The following ZNF92 variants were observed in gnomAD, a reference collection of about 807,000 sequenced individuals.
The protein encoded by ZNF92 is zinc finger protein 92.
ZNF92 carries 11 observed loss-of-function variants against 12.4 expected under a neutral mutation model. The ratio of observed to expected loss-of-function variants is 0.89; its 90% CI spans 0.56 to 1.47. The LOEUF (loss-of-function observed/expected upper bound fraction) is 1.47, where lower values mean the gene tolerates loss of function less well. Ranked by LOEUF, ZNF92 falls within the 40% of genes most tolerant of loss-of-function variation. ZNF92 has a pLI of 0.00. For synonymous variants in ZNF92, 206 were observed against 228.6 expected (o/e 0.90, Z 0.89); for missense variants, 622 against 681.0 (o/e 0.91, Z 0.96).
chr7:65,398,979 G>C lies in ZNF92; in HGVS notation c.865G>C (p.Glu289Gln), dbSNP rs774983698. 1 of 1,613,300 alleles carries C rather than the reference G, an allele frequency of 6.2e-7. No homozygotes were observed. Among genetic ancestry groups the C allele is most frequent in the East Asian group, 2.2e-5 (1 of 44,810 alleles). ...HTEEKPYKCE[E>Q]CGKAFNQFSI... The stretch of plus-strand genomic sequence containing the variant: ...AGAAGAGAAACCCTACAAATGTGAA[G>C]AATGTGGCAAGGCCTTTAACCAGTT... Residue 289 changes from glutamate to glutamine, a missense_variant, in exon 4 of 4, where the codon GAA (glutamate) becomes CAA (glutamine). Physicochemically the swap from Glu to Gln is conservative, Grantham distance 29 (BLOSUM62 2). Coordinates refer to ENST00000328747, the MANE Select transcript of ZNF92 (RefSeq NM_152626.4).
At chr7:65,391,833 A>T (rs1793724174) in intron 3 of ZNF92, among the ~76,000 whole-genome samples, 1 of 152,116 alleles carries the variant, frequency 6.6e-6, no homozygotes, top group Admixed American at 6.6e-5. Context: ...TTACTGCCAT[A>T]CAGTGCATGC....
chr7:65,387,006 C>T (rs1311027620), intron 1 of ZNF92, among the ~76,000 whole-genome samples: 2 of 145,240 alleles, frequency 1.4e-5, no homozygotes, highest in Non-Finnish European at 3.0e-5. Flanking sequence ...ATGGCGCAAT[C>T]TCGGCTCACT....
At chr7:65,385,165 G>C (rs1793528994) in intron 1 of ZNF92, among the ~76,000 whole-genome samples, 1 of 152,108 alleles carries the variant, frequency 6.6e-6, no homozygotes, top group African/African-American at 2.4e-5. Flanking sequence ...TAGAGGACTT[G>C]TTTAAAATAC....
chr7:65,388,230 CTAT>C (rs1793625264), intron 2 of ZNF92: 1 of 379,852 alleles, frequency 2.6e-6, no homozygotes, highest in African/African-American at 2.2e-5. Flanking sequence ...CTGAGCTGAT[CTAT>C]ATCCTTCACT....
At chr7:65,381,223 C>T (rs931972330) in intron 1 of ZNF92, among the ~76,000 whole-genome samples, 1 of 151,910 alleles carries the variant, frequency 6.6e-6, no homozygotes, top group Non-Finnish European at 1.5e-5. Flanking sequence ...CCATATTGGC[C>T]AGGCTGGTCT....
At chr7:65,382,280 A>G (rs555107140) in intron 1 of ZNF92, among the ~76,000 whole-genome samples, 2 of 152,108 alleles carry the variant, frequency 1.3e-5, no homozygotes, top group African/African-American at 4.8e-5. Flanking sequence ...GTGTAATAAA[A>G]CAGTTTTCTT....
chr7:65,377,628 G>A (rs1364623842), intron 1 of ZNF92, among the ~76,000 whole-genome samples: 2 of 106,410 alleles, frequency 1.9e-5, no homozygotes, highest in African/African-American at 5.0e-5. Context: ...CTGCAACGGC[G>A]CGATCTAGAC....
intron 3 of ZNF92, among the ~76,000 whole-genome samples, chr7:65,395,108 T>G (rs1375454966): frequency 1.3e-5 from 2 of 152,124 alleles, no homozygotes; most frequent in Non-Finnish European, 2.9e-5. Flanking sequence ...CAGGCTGGAG[T>G]GCAGTGGCAT....
intron 1 of ZNF92, among the ~76,000 whole-genome samples, chr7:65,384,658 T>G (rs1159318627): frequency 1.3e-5 from 2 of 152,010 alleles, no homozygotes; most frequent in African/African-American, 4.8e-5. Flanking sequence ...ATAAACACAA[T>G]AAAAATTCCT....
In ZNF92 at chr7:65,398,494, A is replaced by G. The variant is rs751502096; in HGVS notation, c.380A>G (p.Lys127Arg). The G allele has an allele frequency of 1.2e-6, 2 of 1,613,218 alleles. No individual in the cohort carries two copies. Among genetic ancestry groups the G allele is most frequent in the East Asian group, 2.2e-5 (1 of 44,814 alleles). ...AGTGTGGATGCATGTAAGGTGTACA[A>G]AGGAGGTTATAATGGACTTAACCAG... ...HKSVDACKVY[K>R]GGYNGLNQCL... Residue 127 changes from lysine (K) to arginine (R), a missense_variant, in exon 4 of 4, where the codon AAA becomes AGA. Physicochemically the swap from Lys to Arg is conservative, Grantham distance 26. Coordinates refer to ENST00000328747, the MANE Select transcript of ZNF92 (RefSeq NM_152626.4).
At chr7:65,386,457 A>T (rs1329457252) in intron 1 of ZNF92, among the ~76,000 whole-genome samples, 2 of 152,096 alleles carry the variant, frequency 1.3e-5, no homozygotes, top group African/African-American at 4.8e-5. Context: ...TATACTCAAG[A>T]TTCCTATTGG....
rs891110755 is a variant in ZNF92 at position 65,400,408 on chromosome 7, A to G, written c.*533A>G. Reference sequence around the variant, plus strand: ...CTGCAAATGTAATAAATATGGAAAAACATTTTTTCAAAAACTACAGCTTGG... The same window carrying G: ...CTGCAAATGTAATAAATATGGAAAAGCATTTTTTCAAAAACTACAGCTTGG... On this transcript the variant is annotated 3_prime_UTR_variant, in exon 4 of 4. Transcript: ENST00000328747. 1 of 152,044 alleles carries G rather than the reference A, an allele frequency of 6.6e-6. No individual in the cohort carries two copies. Among genetic ancestry groups the G allele is most frequent in the African/African-American group, 2.4e-5 (1 of 41,402 alleles). 9.4% of individuals were successfully genotyped at this position (152,044 alleles called of 1,614,324 possible). A position where few individuals can be genotyped will look rare whatever the true frequency, so the allele number is the denominator to read the frequency against.
At chr7:65,389,674 G>A (rs1793661066) in intron 3 of ZNF92, among the ~76,000 whole-genome samples, 2 of 151,044 alleles carry the variant, frequency 1.3e-5, no homozygotes, top group Non-Finnish European at 3.0e-5. Context: ...GCACCACCAC[G>A]TCCAGCTAAT....
chr7:65,393,307 ATT>A (rs1352433248), intron 3 of ZNF92, among the ~76,000 whole-genome samples: 1 of 149,592 alleles, frequency 6.7e-6, no homozygotes, highest in African/African-American at 2.5e-5. Flanking sequence ...GTGACAAAAT[ATT>A]CTCAAAGTTT....
chr7:65,384,194 TTGAC>T (rs1399566125), intron 1 of ZNF92, among the ~76,000 whole-genome samples: 3 of 152,160 alleles, frequency 2.0e-5, no homozygotes, highest in African/African-American at 7.2e-5. Context: ...TGTTATAAAA[TTGAC>T]AGGGCAGTGG....
rs1793930535 is a variant in ZNF92, at chr7:65,399,013, TTAA to T, written c.903_905del (p.Asn301del). On this transcript the variant is annotated inframe_deletion, in exon 4 of 4. Transcript: ENST00000328747. ...AAGGCCTTTAACCAGTTCTCGATTC[TTAA>T]TAAACATAAGAGAATTCATATGGAA... 6.2e-7 allele frequency: 1 copy of T among 1,613,332 alleles called. No homozygotes were observed. The highest frequency in any genetic ancestry group is 8.5e-7 in the Non-Finnish European group (1 of 1,179,732).
At chr7:65,384,072 A>G (rs1190453090) in intron 1 of ZNF92, among the ~76,000 whole-genome samples, 1 of 152,100 alleles carries the variant, frequency 6.6e-6, no homozygotes, top group Non-Finnish European at 1.5e-5. Context: ...TGGACAGAAG[A>G]GTTGTTATTA....
At position 65,398,832 on chromosome 7, in the gene ZNF92, C is replaced by A. The variant is rs200130043; in HGVS notation, c.718C>A (p.Arg240=). ...TGAAGAATGTGGCAAAGCTTTTAACCGGTCCTCAAATCTTACTAAACATAA... is the reference window on the plus strand; with the variant it reads ...TGAAGAATGTGGCAAAGCTTTTAACAGGTCCTCAAATCTTACTAAACATAA... The part of the protein sequence containing the change: ...KCEECGKAFN[R]SSNLTKHKII... The change falls in exon 4 of 4, where the codon CGG becomes AGG. Residue 240 remains arginine (R), a synonymous_variant. Coordinates refer to ENST00000328747, the MANE Select transcript of ZNF92 (RefSeq NM_152626.4). The A allele has an allele frequency of 9.3e-6, 15 of 1,611,370 alleles. No individual in the cohort carries two copies. The highest frequency in any genetic ancestry group is 4.5e-5 in the East Asian group (2 of 44,778).
At position 65,398,410 on chromosome 7, in the gene ZNF92, T is replaced by A; in HGVS notation, c.296T>A (p.Ile99Lys). ...ATAAAAGATTCTTTCCAAAAAGTGA[T>A]ACTGAGAACATATGGAAAATATGGA... ...HSIKDSFQKV[I>K]LRTYGKYGHE... Residue 99 changes from isoleucine (I) to lysine (K), a missense_variant, in exon 4 of 4, where the codon ATA (isoleucine) becomes AAA (lysine). Physicochemically the swap from Ile to Lys is moderately radical, Grantham distance 102. Transcript: ENST00000328747. 1 of 1,609,664 alleles carries A rather than the reference T, an allele frequency of 6.2e-7. No homozygotes were observed. Among genetic ancestry groups the A allele is most frequent in the Non-Finnish European group, 8.5e-7 (1 of 1,178,708 alleles).
Sources: allele counts gnomAD v4.1 joint callset (sites outside exome capture counted in the v4.1 genomes callset), GRCh38; gene constraint gnomAD v4.1.1; transcripts MANE v1.5; gene names NCBI Gene and HGNC (gene_info 2026-07-23, HGNC 2026-07-21).